The following MACROD2 variants were observed in gnomAD, a reference collection of about 807,000 sequenced individuals.
The protein encoded by MACROD2 is mono-ADP ribosylhydrolase 2.
In MACROD2, 36 loss-of-function variants were observed where a neutral mutation model predicts 70.4. The observed-to-expected ratio is 0.51, with a 90% CI of 0.39 to 0.68. The LOEUF (loss-of-function observed/expected upper bound fraction) is 0.68. MACROD2 is among the 30% of genes least tolerant of loss of function. The pLI is 0.00. For synonymous variants in MACROD2, 172 were observed against 178.8 expected (o/e 0.96, Z 0.30); for missense variants, 496 against 538.4 (o/e 0.92, Z 0.78).
chr20:14,928,145 G>A (rs1401687033), intron 5 of MACROD2, among the ~76,000 whole-genome samples: 1 of 152,204 alleles, frequency 6.6e-6, no homozygotes, highest in Non-Finnish European at 1.5e-5. Flanking sequence ...TTGTCCACCA[G>A]CTGCAGGAAC....
At chr20:14,440,016 T>G (rs1375730186) in intron 3 of MACROD2, among the ~76,000 whole-genome samples, 1 of 152,112 alleles carries the variant, frequency 6.6e-6, no homozygotes, top group Non-Finnish European at 1.5e-5. Context: ...GTAGGTCATC[T>G]CTGAGATCAC....
At chr20:14,732,807 C>A (rs925370742) in intron 5 of MACROD2, among the ~76,000 whole-genome samples, 2 of 151,998 alleles carry the variant, frequency 1.3e-5, no homozygotes, top group Non-Finnish European at 2.9e-5. Context: ...AGCTTCTAGG[C>A]CCCTAGGAGT....
intron 10 of MACROD2, among the ~76,000 whole-genome samples, chr20:15,887,347 T>G (rs2064834952): frequency 6.6e-6 from 1 of 152,106 alleles, no homozygotes; most frequent in East Asian, 1.9e-4. Flanking sequence ...GACTTCCAAA[T>G]GCAATGGATT....
At chr20:15,933,481 C>A in intron 11 of MACROD2, 143 bp downstream of exon 11, 3 of 643,400 alleles carry the variant, frequency 4.7e-6, no homozygotes, top group Admixed American at 2.9e-5. Context: ...CCTCAGGAAG[C>A]CACCATCTCC....
chr20:14,473,518 T>C (rs1043083446), intron 3 of MACROD2, among the ~76,000 whole-genome samples: 1 of 152,218 alleles, frequency 6.6e-6, no homozygotes, highest in Non-Finnish European at 1.5e-5. Flanking sequence ...CCATTGTGTA[T>C]GGACACCAAA....
At chr20:14,102,177 T>A (rs2054310239) in intron 3 of MACROD2, among the ~76,000 whole-genome samples, 1 of 151,736 alleles carries the variant, frequency 6.6e-6, no homozygotes. Context: ...CTAATTTTTG[T>A]ATTTCTAGTA....
chr20:15,268,704 TTGAACTGTGTTTATTTGTG>T (rs1441861661), intron 6 of MACROD2, among the ~76,000 whole-genome samples: 3 of 152,178 alleles, frequency 2.0e-5, no homozygotes, highest in Admixed American at 2.0e-4. Context: ...CTTACTGGCT[TTGAACTGTGTTTATTTGTG>T]TGAGTACAGA....
chr20:15,494,140 GAGAATT>G (rs1039626210), intron 7 of MACROD2, among the ~76,000 whole-genome samples: 1 of 152,198 alleles, frequency 6.6e-6, no homozygotes, highest in African/African-American at 2.4e-5. Context: ...ATGTGGTCAA[GAGAATT>G]TAATTAGAAA....
intron 5 of MACROD2, among the ~76,000 whole-genome samples, chr20:15,047,187 G>A (rs1250751021): frequency 6.6e-6 from 1 of 152,152 alleles, no homozygotes; most frequent in Non-Finnish European, 1.5e-5. Flanking sequence ...TCTGATTGAG[G>A]ATACGTGATT....
intron 5 of MACROD2, among the ~76,000 whole-genome samples, chr20:14,938,521 C>G (rs1350507128): frequency 6.6e-6 from 1 of 152,122 alleles, no homozygotes; most frequent in East Asian, 1.9e-4. Flanking sequence ...TGGCTCACAC[C>G]TGTAATTCCA....
intron 5 of MACROD2, among the ~76,000 whole-genome samples, chr20:15,058,662 A>C (rs2075506957): frequency 6.6e-6 from 1 of 152,184 alleles, no homozygotes; most frequent in South Asian, 2.1e-4. Context: ...TACTACTACA[A>C]CATTATTTTT....
rs538169195 is a variant in MACROD2 at position 14,517,017 on chromosome 20, T to C, written c.301+23509T>C. 4.3e-4 allele frequency among the ~76,000 whole-genome samples: 65 copies of C among 152,218 alleles called. 1 individual carries two copies. In the South Asian group the frequency reaches 0.013, roughly 30 times the overall value. Reference sequence around the variant, plus strand: ...CATCTCATGCCAGTTAGAATGGTGATCATTAAAAAGTCAGGAAAGAACAGA... The same window carrying C: ...CATCTCATGCCAGTTAGAATGGTGACCATTAAAAAGTCAGGAAAGAACAGA... On this transcript the variant is annotated intron_variant, in intron 4 of 17. Coordinates refer to ENST00000684519, the MANE Select transcript of MACROD2 (RefSeq NM_001351661.2).
At position 15,842,583 on chromosome 20, in the gene MACROD2, A is replaced by G. The variant is rs189341373; in HGVS notation, c.646-20162A>G. Among the ~76,000 whole-genome samples the G allele has an allele frequency of 2.0e-4, 30 of 150,974 alleles. No homozygotes were observed. In the East Asian group the frequency reaches 4.1e-3, roughly 21 times the overall value. The stretch of plus-strand genomic sequence containing the variant: ...GGGAATATCAGAAACCACAAAAAGC[A>G]TCATGTTGGTTGCATTGCTATTTGA... On this transcript the variant is annotated intron_variant, in intron 8 of 17. Transcript: ENST00000684519.
At chr20:16,018,813 G>A (rs2066964264) in intron 15 of MACROD2, among the ~76,000 whole-genome samples, 1 of 151,758 alleles carries the variant, frequency 6.6e-6, no homozygotes, top group East Asian at 1.9e-4. Context: ...AATAATTGTT[G>A]CCCCCCTTCA....
chr20:15,135,942 G>A (rs2076144088), intron 5 of MACROD2, among the ~76,000 whole-genome samples: 1 of 151,686 alleles, frequency 6.6e-6, no homozygotes, highest in Admixed American at 6.6e-5. Flanking sequence ...GCCAAATCAT[G>A]AGTGAACTCC....
intron 4 of MACROD2, among the ~76,000 whole-genome samples, chr20:14,558,063 A>C (rs548251312): frequency 6.6e-6 from 1 of 151,828 alleles, no homozygotes; most frequent in Non-Finnish European, 1.5e-5. Flanking sequence ...GATACAAGAC[A>C]AATGAACTTT....
At chr20:14,761,443 C>T (rs1254967184) in intron 5 of MACROD2, among the ~76,000 whole-genome samples, 3 of 152,054 alleles carry the variant, frequency 2.0e-5, no homozygotes, top group Non-Finnish European at 2.9e-5. Flanking sequence ...CATCATACCC[C>T]GACTGGTGAG....
chr20:14,338,579 G>C lies in MACROD2; in HGVS notation c.272-154900G>C, dbSNP rs565548452. ...TTAAAATGGATTATTTATATTTAAC[G>C]ATCCCCCAATAAAATGTTTTTAAAA... On this transcript the variant is annotated intron_variant, in intron 3 of 17. Transcript: ENST00000684519. Among the ~76,000 whole-genome samples, 3 of 152,084 alleles carry C rather than the reference G, an allele frequency of 2.0e-5. No individual in the cohort carries two copies. The East Asian group carries it at 5.8e-4, about 29-fold the overall frequency.
chr20:14,883,459 A>G (rs1369493291), intron 5 of MACROD2, among the ~76,000 whole-genome samples: 4 of 152,106 alleles, frequency 2.6e-5, no homozygotes, highest in Non-Finnish European at 5.9e-5. Context: ...TGTCGGACTA[A>G]TGTCAGCTTT....
Sources: allele counts gnomAD v4.1 joint callset (sites outside exome capture counted in the v4.1 genomes callset), GRCh38; gene constraint gnomAD v4.1.1; transcripts MANE v1.5; gene names NCBI Gene and HGNC (gene_info 2026-07-23, HGNC 2026-07-21).